Variants in NRXN3 observed in about 807,000 individuals in gnomAD.
NRXN3 encodes the protein neurexin III.
Under a neutral mutation model 137.6 loss-of-function variants are expected in NRXN3, and 32 were observed. That is an observed-to-expected ratio of 0.23 (90% CI 0.18 to 0.31). The LOEUF (loss-of-function observed/expected upper bound fraction) is 0.31. Among genes scored for constraint, NRXN3 ranks in the 10% least tolerant of loss-of-function variants. The pLI, the probability that NRXN3 is intolerant of heterozygous loss-of-function variation, is 1.00. For synonymous variants in NRXN3, 798 were observed against 784.5 expected, an observed-to-expected ratio of 1.02 and a Z score of -0.29; for missense variants, 1,574 against 2,062.5, an observed-to-expected ratio of 0.76 and a Z score of 4.59.
intron 15 of NRXN3, among the ~76,000 whole-genome samples, chr14:79,159,292 C>T (rs984913469): frequency 6.6e-6 from 1 of 151,754 alleles, no homozygotes; most frequent in African/African-American, 2.4e-5. Flanking sequence ...TCTCCTGTTA[C>T]AATTTTTCAA....
At chr14:78,657,408 C>A (rs1329876909) in intron 6 of NRXN3, among the ~76,000 whole-genome samples, 1 of 152,206 alleles carries the variant, frequency 6.6e-6, no homozygotes, top group African/African-American at 2.4e-5. Flanking sequence ...CAATCTGACA[C>A]TCCTCCATTT....
intron 15 of NRXN3, among the ~76,000 whole-genome samples, chr14:79,004,767 T>A (rs2099548872): frequency 6.6e-6 from 1 of 152,174 alleles, no homozygotes; most frequent in Non-Finnish European, 1.5e-5. Flanking sequence ...TGAAGGATGC[T>A]TTTTTCCTAA....
chr14:79,435,974 A>C (rs2095840551), intron 15 of NRXN3, among the ~76,000 whole-genome samples: 1 of 152,130 alleles, frequency 6.6e-6, no homozygotes, highest in African/African-American at 2.4e-5. Context: ...TTGTTTGATA[A>C]AAAGGGAGAG....
intron 15 of NRXN3, among the ~76,000 whole-genome samples, chr14:79,027,770 T>A (rs2099600983): frequency 6.6e-6 from 1 of 152,164 alleles, no homozygotes; most frequent in Non-Finnish European, 1.5e-5. Flanking sequence ...TTTGCATGTG[T>A]TATAGTCTAA....
At chr14:79,042,491 G>T (rs538554033) in intron 15 of NRXN3, among the ~76,000 whole-genome samples, 1 of 152,176 alleles carries the variant, frequency 6.6e-6, no homozygotes, top group Non-Finnish European at 1.5e-5. Flanking sequence ...ATCCGGATTT[G>T]AATTCCATTT....
Position 78,803,739 on chromosome 14 carries a change from CT to C in NRXN3, c.2165del (p.Leu722ArgfsTer28). On this transcript the variant is annotated frameshift_variant, in exon 9 of 21. Coordinates refer to ENST00000335750, the MANE Select transcript of NRXN3 (RefSeq NM_001330195.2). LOFTEE classifies it high-confidence loss of function. ...RFMSQRAYGL[L>X]VATTSRDSAD... ...CATGTCCCAGCGAGCTTATGGGCTGCTGGTGGCTACGACCTCCAGGGACTCT... is the reference window on the plus strand; with the variant it reads ...CATGTCCCAGCGAGCTTATGGGCTGCGGTGGCTACGACCTCCAGGGACTCT... 1 of 1,614,078 alleles carries C rather than the reference CT, an allele frequency of 6.2e-7. No individual in the cohort carries two copies. The highest frequency in any genetic ancestry group is 8.5e-7 in the Non-Finnish European group (1 of 1,179,968).
At chr14:79,237,052 T>G (rs1399656417) in intron 15 of NRXN3, among the ~76,000 whole-genome samples, 1 of 151,800 alleles carries the variant, frequency 6.6e-6, no homozygotes, top group Non-Finnish European at 1.5e-5. Flanking sequence ...CACTGCACAC[T>G]AATTATACTG....
intron 2 of NRXN3, among the ~76,000 whole-genome samples, chr14:78,263,553 C>T (rs1017034988): frequency 9.2e-5 from 14 of 151,936 alleles, no homozygotes; most frequent in Non-Finnish European, 1.9e-4. Flanking sequence ...TTTTCTTCAG[C>T]ACAGTTAAAC....
Position 78,242,927 on chromosome 14 carries a change from T to C in NRXN3, c.-167T>C. 1 of 584,160 alleles carries C rather than the reference T, an allele frequency of 1.7e-6. No homozygotes were observed. The highest frequency in any genetic ancestry group is 3.0e-6 in the Non-Finnish European group (1 of 332,304). 36.2% of individuals were successfully genotyped at this position (584,160 alleles called of 1,614,324 possible). On this transcript the variant is annotated 5_prime_UTR_variant, in exon 2 of 21. Coordinates refer to ENST00000335750, the MANE Select transcript of NRXN3 (RefSeq NM_001330195.2). The stretch of plus-strand genomic sequence containing the variant: ...TCTGGGACTCTCTTGTACACTTTCC[T>C]CCATCTCCACTATCTCAGGATCTGT...
At chr14:79,167,183 T>C (rs1459904518) in intron 15 of NRXN3, among the ~76,000 whole-genome samples, 1 of 152,044 alleles carries the variant, frequency 6.6e-6, no homozygotes, top group Non-Finnish European at 1.5e-5. Flanking sequence ...CCACATGATA[T>C]GTTATGAAGG....
intron 17 of NRXN3, among the ~76,000 whole-genome samples, chr14:79,677,322 A>T (rs1005645530): frequency 6.6e-6 from 1 of 152,130 alleles, no homozygotes; most frequent in Non-Finnish European, 1.5e-5. Context: ...TGTAAAAAGT[A>T]AATCTAAAAT....
At chr14:78,339,945 C>T (rs1267903358) in intron 4 of NRXN3, among the ~76,000 whole-genome samples, 1 of 152,066 alleles carries the variant, frequency 6.6e-6, no homozygotes, top group East Asian at 1.9e-4. Context: ...TTAGACTCTC[C>T]CTTTTAATCC....
At chr14:78,859,887 TCC>T (rs905459301) in intron 10 of NRXN3, among the ~76,000 whole-genome samples, 2 of 152,054 alleles carry the variant, frequency 1.3e-5, no homozygotes, top group Non-Finnish European at 2.9e-5. Flanking sequence ...TTTTATCCTC[TCC>T]CCTCCATCAG....
Position 79,480,037 on chromosome 14 carries a change from CATTT to C in NRXN3, c.3444+12639_3444+12642del, listed in dbSNP as rs148786676. On this transcript the variant is annotated intron_variant, in intron 16 of 20. Transcript: ENST00000335750. ...AATGATCTCAAATAACACAAAAACC[CATTT>C]ATTCCTACTGGAGTCAGTATTTAAT... Among the ~76,000 whole-genome samples, 599 of 152,228 alleles carry C rather than the reference CATTT, an allele frequency of 3.9e-3. 3 individuals carry two copies. The highest frequency in any genetic ancestry group is 0.013 in the African/African-American group (548 of 41,552).
chr14:78,576,210 A>C (rs1051407450), intron 4 of NRXN3, among the ~76,000 whole-genome samples: 2 of 152,208 alleles, frequency 1.3e-5, no homozygotes, highest in African/African-American at 4.8e-5. Flanking sequence ...CATCCTGATC[A>C]GACCTTTTCT....
At chr14:78,932,718 A>G (rs1039289518) in intron 10 of NRXN3, among the ~76,000 whole-genome samples, 6 of 152,246 alleles carry the variant, frequency 3.9e-5, no homozygotes, top group East Asian at 1.9e-4. Context: ...CATAGAATGC[A>G]TGCCATTAAT....
intron 15 of NRXN3, among the ~76,000 whole-genome samples, chr14:79,053,431 G>A (rs2099644921): frequency 6.6e-6 from 1 of 152,178 alleles, no homozygotes; most frequent in Non-Finnish European, 1.5e-5. Context: ...CAAAGCTCTT[G>A]CTTTTAGCCA....
intron 15 of NRXN3, among the ~76,000 whole-genome samples, chr14:79,237,709 A>G (rs1453908147): frequency 1.3e-5 from 2 of 152,114 alleles, no homozygotes; most frequent in African/African-American, 2.4e-5. Context: ...CATCCACCCT[A>G]CCCTGGAGAA....
chr14:79,630,056 A>C (rs1366414697), intron 16 of NRXN3, among the ~76,000 whole-genome samples: 1 of 152,196 alleles, frequency 6.6e-6, no homozygotes, highest in Non-Finnish European at 1.5e-5. Flanking sequence ...AAACATAATA[A>C]CACAGAGTCA....
Sources: allele counts gnomAD v4.1 joint callset (sites outside exome capture counted in the v4.1 genomes callset), GRCh38; gene constraint gnomAD v4.1.1; transcripts MANE v1.5; gene names NCBI Gene and HGNC (gene_info 2026-07-23, HGNC 2026-07-21).